The following SHISA9 variants were observed in gnomAD, a reference collection of about 807,000 sequenced individuals.
SHISA9 encodes protein shisa-9.
Under a neutral mutation model 38.0 loss-of-function variants are expected in SHISA9, and 13 were observed. That is an observed-to-expected ratio of 0.34 (90% confidence interval 0.22 to 0.54). SHISA9 has a LOEUF of 0.54. Ranked by LOEUF, SHISA9 falls within the 20% of genes least tolerant of loss-of-function variation. The pLI, the probability that SHISA9 is intolerant of heterozygous loss-of-function variation, is 0.91. For synonymous variants in SHISA9, 275 were observed against 242.0 expected (o/e 1.14, Z -1.27); for missense variants, 538 against 575.8 (o/e 0.93, Z 0.67).
the SHISA9 span, among the ~76,000 whole-genome samples, chr16:13,359,739 G>A: frequency 3.3e-5 from 5 of 152,272 alleles, no homozygotes; most frequent in African/African-American, 1.2e-4. Flanking sequence ...TCTAGCAGAT[G>A]CGGTTGGTGC....
At chr16:13,275,779 C>T in the SHISA9 span, among the ~76,000 whole-genome samples, 1 of 151,742 alleles carries the variant, frequency 6.6e-6, no homozygotes, top group African/African-American at 2.4e-5. Flanking sequence ...CCTTTATTAT[C>T]CTTTTAATGT....
intron 1 of SHISA9, chr16:12,908,911 G>C: frequency 9.7e-7 from 1 of 1,032,566 alleles, no homozygotes; most frequent in Non-Finnish European, 1.2e-6. Flanking sequence ...AGTGGCAAAT[G>C]GCAGATAAGG....
chr16:13,235,024 G>C lies in SHISA9; in HGVS notation c.896-6G>C. ...CCCTTCTTCATCCACCCGTTCCGATGTGTAGCTGACAAGGTCAATGACGAC... is the reference window on the plus strand; with the variant it reads ...CCCTTCTTCATCCACCCGTTCCGATCTGTAGCTGACAAGGTCAATGACGAC... On this transcript the variant is annotated splice_region_variant and splice_polypyrimidine_tract_variant and intron_variant, in intron 4 of 4. Transcript: ENST00000558583. 6.5e-7 allele frequency: 1 copy of C among 1,538,358 alleles called. No individual in the cohort carries two copies.
the SHISA9 span, among the ~76,000 whole-genome samples, chr16:13,374,028 A>G: frequency 6.6e-6 from 1 of 152,372 alleles, no homozygotes; most frequent in African/African-American, 2.4e-5. Flanking sequence ...GAACAGAGAC[A>G]TGAATCATGA....
At chr16:13,215,245 G>A (rs901382904) in intron 4 of SHISA9, among the ~76,000 whole-genome samples, 5 of 152,134 alleles carry the variant, frequency 3.3e-5, no homozygotes, top group Admixed American at 3.3e-4. Context: ...CCAGATTCCT[G>A]GGCCTTACCC....
chr16:13,348,355 A>C, the SHISA9 span, among the ~76,000 whole-genome samples: 257 of 152,082 alleles, frequency 1.7e-3, 2 homozygotes, highest in Non-Finnish European at 1.0e-3. Flanking sequence ...GAACACCTCA[A>C]ATTTTGGATT....
chr16:13,456,503 C>T, the SHISA9 span, among the ~76,000 whole-genome samples: 14 of 152,314 alleles, frequency 9.2e-5, no homozygotes, highest in East Asian at 2.3e-3. Flanking sequence ...TTCTTTAATG[C>T]CACTGCGTCA....
intron 2 of SHISA9, among the ~76,000 whole-genome samples, chr16:12,944,968 C>A (rs76603622): frequency 1.8e-3 from 277 of 152,238 alleles, no homozygotes; most frequent in African/African-American, 6.5e-3. Context: ...CTCAGTCCTG[C>A]TGGAGAACTC....
chr16:13,463,090 A>G, the SHISA9 span, among the ~76,000 whole-genome samples: 3 of 152,200 alleles, frequency 2.0e-5, no homozygotes, highest in Non-Finnish European at 2.9e-5. Context: ...TGGGGGGGGA[A>G]GGTTGCAGTG....
chr16:12,981,937 G>A (rs960908481), intron 2 of SHISA9, among the ~76,000 whole-genome samples: 1 of 152,180 alleles, frequency 6.6e-6, no homozygotes, highest in Non-Finnish European at 1.5e-5. Flanking sequence ...CTGCCATCTT[G>A]ATCTTGGACT....
chr16:13,300,126 G>A, the SHISA9 span, among the ~76,000 whole-genome samples: 1 of 152,098 alleles, frequency 6.6e-6, no homozygotes, highest in Non-Finnish European at 1.5e-5. Flanking sequence ...GAAAGAATGA[G>A]AGGTGATGGA....
At position 13,022,162 on chromosome 16, in the gene SHISA9, A is replaced by T. The variant is rs371150173; in HGVS notation, c.691+105347A>T. On this transcript the variant is annotated intron_variant, in intron 2 of 4. Coordinates refer to ENST00000558583, the MANE Select transcript of SHISA9 (RefSeq NM_001145204.3). ...CAAATCTCCCCCTGCCTTACTTTTT[A>T]TTTTTTCAAGTCAGAGTGTTGCTCT... 4.0e-4 allele frequency among the ~76,000 whole-genome samples: 60 copies of T among 150,944 alleles called. 2 individuals are homozygous for T. Among genetic ancestry groups the T allele is most frequent in the African/African-American group, 1.4e-3 (58 of 41,070 alleles).
the SHISA9 span, among the ~76,000 whole-genome samples, chr16:13,370,623 G>C: frequency 1.3e-5 from 2 of 152,046 alleles, no homozygotes; most frequent in Non-Finnish European, 2.9e-5. Flanking sequence ...ACATGTGAAG[G>C]GTCATAAAAA....
the SHISA9 span, among the ~76,000 whole-genome samples, chr16:13,366,772 T>C: frequency 5.9e-3 from 899 of 152,172 alleles, 14 homozygotes; most frequent in African/African-American, 0.021. Context: ...CGATCACTTA[T>C]GGTCAGTTGA....
chr16:13,391,389 T>A, the SHISA9 span, among the ~76,000 whole-genome samples: 3 of 151,974 alleles, frequency 2.0e-5, no homozygotes, highest in Non-Finnish European at 4.4e-5. Context: ...CCTTCACAAC[T>A]GAAAAAAGGC....
chr16:13,101,793 T>C (rs1002110105), intron 2 of SHISA9, among the ~76,000 whole-genome samples: 31 of 152,238 alleles, frequency 2.0e-4, no homozygotes, highest in Non-Finnish European at 3.1e-4. Flanking sequence ...ATACTTGCTA[T>C]CGTTTGTCTT....
At chr16:13,551,147 G>T in the SHISA9 span, among the ~76,000 whole-genome samples, 3 of 151,664 alleles carry the variant, frequency 2.0e-5, no homozygotes, top group Non-Finnish European at 4.4e-5. Flanking sequence ...AGAAGTGATG[G>T]GCACAAAGAT....
At chr16:13,182,469 C>A (rs948227470) in intron 2 of SHISA9, among the ~76,000 whole-genome samples, 1 of 152,140 alleles carries the variant, frequency 6.6e-6, no homozygotes, top group Admixed American at 6.5e-5. Flanking sequence ...TGATGGTGAC[C>A]GGTTAGGTTT....
At chr16:13,461,451 A>G in the SHISA9 span, among the ~76,000 whole-genome samples, 19 of 152,006 alleles carry the variant, frequency 1.2e-4, no homozygotes, top group East Asian at 5.9e-4. Context: ...TGGTGGCACA[A>G]GCCTGTAAAC....
Sources: allele counts gnomAD v4.1 joint callset (sites outside exome capture counted in the v4.1 genomes callset), GRCh38; gene constraint gnomAD v4.1.1; transcripts MANE v1.5; gene names NCBI Gene and HGNC (gene_info 2026-07-23, HGNC 2026-07-21).